RAC1: variants seen among roughly 807,000 people sequenced by gnomAD.
RAC1 encodes the protein ras-related C3 botulinum toxin substrate 1.
In RAC1, 2 loss-of-function variants were observed where a neutral mutation model predicts 25.2. The observed-to-expected ratio is 0.08, with a 90% CI of 0.03 to 0.25. RAC1 has a LOEUF of 0.25. Ranked by LOEUF, RAC1 falls within the 10% of genes least tolerant of loss-of-function variation. RAC1 has a pLI of 1.00. For missense variants in RAC1, 50 were observed against 235.7 expected (o/e 0.21, Z 5.16); for synonymous variants, 88 against 94.0 (o/e 0.94, Z 0.37).
rs998963917 is a variant in RAC1 at position 6,396,436 on chromosome 7, A to G, written c.226-3690A>G. On this transcript the variant is annotated intron_variant, in intron 3 of 5. Coordinates refer to ENST00000348035, the MANE Select transcript of RAC1 (RefSeq NM_006908.5). ...ATATTTAGCTGGGGACGAAGAAGGAACAAGGAAGGAACAGGCAGATGGCAT... is the reference window on the plus strand; with the variant it reads ...ATATTTAGCTGGGGACGAAGAAGGAGCAAGGAAGGAACAGGCAGATGGCAT... Among the ~76,000 whole-genome samples the G allele has an allele frequency of 8.5e-5, 13 of 152,182 alleles. 1 individual carries two copies. In the East Asian group the frequency reaches 2.3e-3, roughly 27 times the overall value.
chr7:6,379,184 C>T lies in RAC1; in HGVS notation c.35+4414C>T, dbSNP rs1034594409. On this transcript the variant is annotated intron_variant, in intron 1 of 5. Transcript: ENST00000348035. The stretch of plus-strand genomic sequence containing the variant: ...TTATTTTATATTGGCTCACTGCAGC[C>T]TCCACCTCCTGGGTTCAAGTGATTC... 2.6e-5 allele frequency among the ~76,000 whole-genome samples: 4 copies of T among 151,682 alleles called. No homozygotes were observed. In the South Asian group the frequency reaches 6.2e-4, roughly 24 times the overall value.
chr7:6,377,035 A>G lies in RAC1; in HGVS notation c.35+2265A>G, dbSNP rs558207157. Reference sequence around the variant, plus strand: ...CCCACCTCCCAAGAGAGGCGGTTCAATGGGAGGTCAACAAGACTAAACAAG... The same window carrying G: ...CCCACCTCCCAAGAGAGGCGGTTCAGTGGGAGGTCAACAAGACTAAACAAG... On this transcript the variant is annotated intron_variant, in intron 1 of 5. Coordinates refer to ENST00000348035, the MANE Select transcript of RAC1 (RefSeq NM_006908.5). Among the ~76,000 whole-genome samples, 5 of 151,956 alleles carry G rather than the reference A, an allele frequency of 3.3e-5. 1 individual carries two copies. Among genetic ancestry groups the G allele is most frequent in the East Asian group, 1.9e-4 (1 of 5,156 alleles).
chr7:6,397,021 ACT>A, intron 3 of RAC1, among the ~76,000 whole-genome samples: 1 of 130,766 alleles, frequency 7.6e-6, no homozygotes, highest in East Asian at 2.3e-4. Context: ...ACAGAGCGAG[ACT>A]CCCTCTCAAA....
intron 1 of RAC1, among the ~76,000 whole-genome samples, chr7:6,385,404 A>G (rs939747456): frequency 6.6e-6 from 1 of 152,156 alleles, no homozygotes; most frequent in African/African-American, 2.4e-5. Flanking sequence ...AAAAGGCATG[A>G]GGAAGTTGAA....
At chr7:6,394,336 G>A (rs147622414) in intron 3 of RAC1, among the ~76,000 whole-genome samples, 29 of 152,268 alleles carry the variant, frequency 1.9e-4, no homozygotes, top group African/African-American at 5.5e-4. Flanking sequence ...CCCGAATTAC[G>A]TAATCCTTAC....
chr7:6,401,617 T>G, intron 4 of RAC1: 1 of 294,620 alleles, frequency 3.4e-6, no homozygotes, highest in East Asian at 5.6e-5. Context: ...CCCCTGCGGT[T>G]GTAGAGCCCG....
chr7:6,380,561 C>T (rs2115185241), intron 1 of RAC1, among the ~76,000 whole-genome samples: 1 of 152,290 alleles, frequency 6.6e-6, no homozygotes, highest in East Asian at 1.9e-4. Context: ...ACATCTCCAT[C>T]ACTACGTAGC....
chr7:6,378,134 T>C (rs998733485), intron 1 of RAC1, among the ~76,000 whole-genome samples: 3 of 152,126 alleles, frequency 2.0e-5, no homozygotes, highest in Non-Finnish European at 4.4e-5. Flanking sequence ...GTTTGCTCCT[T>C]AACTCTGCAT....
intron 1 of RAC1, among the ~76,000 whole-genome samples, chr7:6,383,430 G>C: frequency 1.1e-5 from 1 of 88,172 alleles, no homozygotes; most frequent in African/African-American, 7.6e-5. Context: ...ATATAAGGTT[G>C]CACTTTAAGA....
At chr7:6,393,484 T>C (rs1442325675) in intron 3 of RAC1, among the ~76,000 whole-genome samples, 1 of 152,112 alleles carries the variant, frequency 6.6e-6, no homozygotes, top group Non-Finnish European at 1.5e-5. Flanking sequence ...AAGGAAGGCC[T>C]CACAGTAAGT....
At chr7:6,375,494 C>A (rs891453774) in intron 1 of RAC1, among the ~76,000 whole-genome samples, 1 of 152,102 alleles carries the variant, frequency 6.6e-6, no homozygotes, top group Admixed American at 6.6e-5. Flanking sequence ...TCCAAAAGCG[C>A]TGGGGTGACA....
chr7:6,399,786 T>A (rs917958640), intron 3 of RAC1: 1 of 237,108 alleles, frequency 4.2e-6, no homozygotes, highest in Non-Finnish European at 8.2e-6. Flanking sequence ...TACAGAAATA[T>A]TGGAATCATA....
chr7:6,380,226 G>A (rs900700396), intron 1 of RAC1, among the ~76,000 whole-genome samples: 9 of 152,254 alleles, frequency 5.9e-5, no homozygotes, highest in African/African-American at 1.9e-4. Context: ...TTCCTCTCAA[G>A]GCATGGGGTT....
intron 3 of RAC1, chr7:6,398,617 C>T (rs1279224662): frequency 1.0e-5 from 16 of 1,546,110 alleles, no homozygotes; most frequent in Non-Finnish European, 1.3e-5. Context: ...TTTTTGTTGT[C>T]CTCAGTCTGT....
At chr7:6,393,095 G>GTTGGGT (rs550652053) in intron 3 of RAC1, among the ~76,000 whole-genome samples, 143 of 152,300 alleles carry the variant, frequency 9.4e-4, no homozygotes, top group South Asian at 4.6e-3. Context: ...TGGGGTTGGG[G>GTTGGGT]TTGGGTTGAG....
chr7:6,380,871 T>C (rs1782743432), intron 1 of RAC1, among the ~76,000 whole-genome samples: 1 of 152,172 alleles, frequency 6.6e-6, no homozygotes, highest in Admixed American at 6.6e-5. Flanking sequence ...TTGTTTTGTT[T>C]TGTTTTGCTC....
chr7:6,393,562 C>A (rs1018949823), intron 3 of RAC1, among the ~76,000 whole-genome samples: 10 of 152,140 alleles, frequency 6.6e-5, no homozygotes, highest in African/African-American at 2.2e-4. Flanking sequence ...AGAGAACTCT[C>A]CTCAGCTTGA....
chr7:6,398,295 C>G (rs1043206286), intron 3 of RAC1, among the ~76,000 whole-genome samples: 2 of 152,188 alleles, frequency 1.3e-5, no homozygotes, highest in Non-Finnish European at 2.9e-5. Context: ...GGATGGAGCA[C>G]TTGAAAGTGC....
chr7:6,387,191 CT>C lies in RAC1; in HGVS notation c.36-15del. 2.7e-6 allele frequency: 4 copies of C among 1,504,074 alleles called. No individual in the cohort carries two copies. The highest frequency in any genetic ancestry group is 2.2e-5 in the Admixed American group (1 of 45,862). 93.2% of individuals were successfully genotyped at this position (1,504,074 alleles called of 1,614,324 possible). A position where few individuals can be genotyped will look rare whatever the true frequency, so the allele number is the denominator to read the frequency against. ...ATTACATTCATGTTGACTAAGCAAC[CT>C]TTTTTCTCTTTCTCTTTAGAGCTGT... On this transcript the variant is annotated intron_variant, in intron 1 of 5. Transcript: ENST00000348035.
Sources: allele counts gnomAD v4.1 joint callset (sites outside exome capture counted in the v4.1 genomes callset), GRCh38; gene constraint gnomAD v4.1.1; transcripts MANE v1.5; gene names NCBI Gene and HGNC (gene_info 2026-07-23, HGNC 2026-07-21).